The following HDAC9 variants were observed in gnomAD, a reference collection of about 807,000 sequenced individuals.
HDAC9 encodes the protein histone deacetylase 9.
In HDAC9, 41 loss-of-function variants were observed where a neutral mutation model predicts 139.4. The observed-to-expected ratio is 0.29, with a 90% CI of 0.23 to 0.38. The LOEUF (loss-of-function observed/expected upper bound fraction) is 0.38, where lower values mean the gene tolerates loss of function less well. Ranked by LOEUF, HDAC9 falls within the 10% of genes least tolerant of loss-of-function variation. The pLI, the probability that HDAC9 is intolerant of heterozygous loss-of-function variation, is 1.00. For synonymous variants in HDAC9, 517 were observed against 476.2 expected (o/e 1.09, Z -1.12); for missense variants, 1,147 against 1,297.0 (o/e 0.88, Z 1.78).
At chr7:18,371,421 T>C (rs1784583730) in intron 1 of HDAC9, among the ~76,000 whole-genome samples, 2 of 152,206 alleles carry the variant, frequency 1.3e-5, no homozygotes, top group Admixed American at 1.3e-4. Flanking sequence ...ATTAACTAAA[T>C]GTATGCCTTG....
chr7:18,921,994 C>T lies in HDAC9; in HGVS notation c.2804-13815C>T, dbSNP rs572198724. The stretch of plus-strand genomic sequence containing the variant: ...CTCACAAGGACAAAAAACCAAACAC[C>T]GCATATTCTCACTCATAGGTTGGAA... On this transcript the variant is annotated intron_variant, in intron 22 of 25. Coordinates refer to ENST00000686413, the MANE Select transcript of HDAC9 (RefSeq NM_178425.4). 2.2e-3 allele frequency among the ~76,000 whole-genome samples: 318 copies of T among 147,508 alleles called. 1 individual carries two copies. Among genetic ancestry groups the T allele is most frequent in the South Asian group, 3.6e-3 (17 of 4,662 alleles).
intron 12 of HDAC9, among the ~76,000 whole-genome samples, chr7:18,706,590 A>G (rs1178112): frequency 0.15 from 23,243 of 152,274 alleles, 2,206 homozygotes; most frequent in East Asian, 0.27. Flanking sequence ...CAAAGCTCAC[A>G]GTTGAGCGCA....
At chr7:18,139,273 G>A (rs1785706958) in intron 1 of HDAC9, among the ~76,000 whole-genome samples, 1 of 151,876 alleles carries the variant, frequency 6.6e-6, no homozygotes, top group Admixed American at 6.6e-5. Context: ...CTGCAGGCAT[G>A]TGTCACCACG....
At chr7:18,811,689 A>C (rs140304261) in intron 17 of HDAC9, among the ~76,000 whole-genome samples, 2,780 of 151,840 alleles carry the variant, frequency 0.018, 92 homozygotes, top group African/African-American at 0.063. Context: ...TTGTATATTT[A>C]CTTTTATGCA....
At chr7:18,772,270 C>T (rs1021729763) in intron 16 of HDAC9, among the ~76,000 whole-genome samples, 5 of 151,910 alleles carry the variant, frequency 3.3e-5, no homozygotes, top group South Asian at 4.2e-4. Flanking sequence ...TAGAACACAC[C>T]GTATTTCTGA....
In HDAC9 at chr7:18,561,609, T is replaced by G. The variant is rs149506806; in HGVS notation, c.23-23672T>G. ...TCAATTCCCATTCTCTTTTCCATACTACCAGCCATAATTAATCACTAATCT... is the reference window on the plus strand; with the variant it reads ...TCAATTCCCATTCTCTTTTCCATACGACCAGCCATAATTAATCACTAATCT... On this transcript the variant is annotated intron_variant, in intron 2 of 25. Coordinates refer to ENST00000686413, the MANE Select transcript of HDAC9 (RefSeq NM_178425.4). Among the ~76,000 whole-genome samples the G allele has an allele frequency of 7.9e-5, 12 of 152,320 alleles. No homozygotes were observed. In the East Asian group the frequency reaches 2.3e-3, roughly 29 times the overall value.
At chr7:18,563,383 T>C (rs567218819) in intron 2 of HDAC9, among the ~76,000 whole-genome samples, 1 of 152,268 alleles carries the variant, frequency 6.6e-6, no homozygotes, top group East Asian at 1.9e-4. Context: ...ATAAGCCTCC[T>C]CCAAAAATAT....
chr7:18,345,032 T>C (rs988360769), intron 1 of HDAC9, among the ~76,000 whole-genome samples: 4 of 151,948 alleles, frequency 2.6e-5, no homozygotes, highest in African/African-American at 9.7e-5. Context: ...CCTCACATCT[T>C]AATGGAAATA....
chr7:18,350,651 T>C (rs981895785), intron 1 of HDAC9, among the ~76,000 whole-genome samples: 2 of 152,208 alleles, frequency 1.3e-5, no homozygotes, highest in Non-Finnish European at 1.5e-5. Flanking sequence ...CCACTGGGAA[T>C]GGTTAGTACA....
chr7:18,768,661 A>G (rs189138172), intron 16 of HDAC9, among the ~76,000 whole-genome samples: 5 of 152,282 alleles, frequency 3.3e-5, no homozygotes, highest in African/African-American at 1.2e-4. Context: ...TGGGGCAAAA[A>G]AATGAAACAA....
At chr7:18,993,507 T>TG (rs1203757989) in intron 25 of HDAC9, among the ~76,000 whole-genome samples, 1 of 152,178 alleles carries the variant, frequency 6.6e-6, no homozygotes, top group East Asian at 1.9e-4. Flanking sequence ...TGCAAGACGC[T>TG]GGGGAGAATT....
At chr7:18,919,628 A>G (rs1048705277) in intron 22 of HDAC9, among the ~76,000 whole-genome samples, 1 of 152,016 alleles carries the variant, frequency 6.6e-6, no homozygotes, top group African/African-American at 2.4e-5. Flanking sequence ...AGCACTTGAA[A>G]GGGAGGTGGG....
intron 21 of HDAC9, among the ~76,000 whole-genome samples, chr7:18,840,248 C>A (rs1303566704): frequency 6.6e-6 from 1 of 152,012 alleles, no homozygotes; most frequent in Non-Finnish European, 1.5e-5. Flanking sequence ...TAGATGCAAA[C>A]AAGTTCTAAT....
chr7:18,324,578 C>A (rs753040839), intron 1 of HDAC9, among the ~76,000 whole-genome samples: 1 of 152,150 alleles, frequency 6.6e-6, no homozygotes, highest in Non-Finnish European at 1.5e-5. Context: ...ACCCTTGCTA[C>A]TCACAATGTG....
intron 22 of HDAC9, among the ~76,000 whole-genome samples, chr7:18,929,374 G>T (rs1804524380): frequency 1.3e-5 from 2 of 151,720 alleles, no homozygotes; most frequent in South Asian, 4.2e-4. Flanking sequence ...CCAAACAGAG[G>T]ATTTCATTCT....
At chr7:18,217,521 C>A (rs1445864487) in intron 2 of HDAC9, among the ~76,000 whole-genome samples, 1 of 151,688 alleles carries the variant, frequency 6.6e-6, no homozygotes, top group Non-Finnish European at 1.5e-5. Context: ...TTCAAAGGAC[C>A]TTTTTGGGTA....
intron 23 of HDAC9, among the ~76,000 whole-genome samples, chr7:18,938,343 C>A (rs1026221939): frequency 6.6e-6 from 1 of 151,514 alleles, no homozygotes; most frequent in Non-Finnish European, 1.5e-5. Context: ...CGCCTGTAAT[C>A]GCAGCACTTT....
At chr7:18,536,826 G>A (rs972330451) in intron 2 of HDAC9, among the ~76,000 whole-genome samples, 1 of 152,150 alleles carries the variant, frequency 6.6e-6, no homozygotes, top group African/African-American at 2.4e-5. Flanking sequence ...ATATACTAGG[G>A]AGGGTATTAA....
chr7:18,648,396 TTGTGTGTGTGTGTATG>T, intron 10 of HDAC9, 54 bp from the exon 11 acceptor site: 1 of 1,206,782 alleles, frequency 8.3e-7, no homozygotes, highest in Non-Finnish European at 1.2e-6. Context: ...TTTCTTAAAA[TTGTGTGTGTGTGTATG>T]TGTGTGTGTG....
Sources: gnomAD v4.1 joint callset for allele counts (sites outside exome capture counted in the v4.1 genomes callset) on GRCh38, gnomAD v4.1.1 for gene constraint, MANE v1.5 for transcripts, NCBI Gene and HGNC (gene_info 2026-07-23, HGNC 2026-07-21) for gene names.